ZNF518A: variants seen among roughly 807,000 people sequenced by gnomAD.
ZNF518A encodes zinc finger protein 518A.
ZNF518A carries 47 observed loss-of-function variants against 102.7 expected under a neutral mutation model. The observed-to-expected ratio is 0.46, with a 90% CI of 0.36 to 0.58. The LOEUF (loss-of-function observed/expected upper bound fraction) is 0.58. Among genes scored for constraint, ZNF518A ranks in the 20% least tolerant of loss-of-function variants. The pLI, the probability that ZNF518A is intolerant of heterozygous loss-of-function variation, is 0.00. For missense variants in ZNF518A, 1,793 were observed against 1,699.8 expected, an observed-to-expected ratio of 1.05 and a Z score of -0.96; for synonymous variants, 652 against 594.6, an observed-to-expected ratio of 1.10 and a Z score of -1.40.
intron 1 of ZNF518A, among the ~76,000 whole-genome samples, chr10:96,171,659 A>G (rs967039240): frequency 6.6e-6 from 1 of 152,172 alleles, no homozygotes; most frequent in Non-Finnish European, 1.5e-5. Flanking sequence ...TGTGAATTAT[A>G]TGGTATGCAA....
chr10:96,182,895 T>G (rs1276407327), intron 1 of ZNF518A, among the ~76,000 whole-genome samples: 1 of 152,248 alleles, frequency 6.6e-6, no homozygotes, highest in Non-Finnish European at 1.5e-5. Flanking sequence ...TCAGAAGGAA[T>G]GGTACCACCT....
At chr10:96,136,008 T>G (rs1485533925) in intron 3 of ZNF518A, among the ~76,000 whole-genome samples, 5 of 152,140 alleles carry the variant, frequency 3.3e-5, no homozygotes, top group African/African-American at 1.2e-4. Context: ...GATTATAGGC[T>G]GATCCAGGTT....
At chr10:96,145,643 C>T (rs1482826166) in intron 3 of ZNF518A, among the ~76,000 whole-genome samples, 5 of 152,180 alleles carry the variant, frequency 3.3e-5, no homozygotes, top group African/African-American at 1.2e-4. Flanking sequence ...ATATGGAGAA[C>T]ACAGAATTGA....
chr10:96,138,441 C>T (rs1480980576), intron 3 of ZNF518A, among the ~76,000 whole-genome samples: 1 of 152,162 alleles, frequency 6.6e-6, no homozygotes, highest in Non-Finnish European at 1.5e-5. Flanking sequence ...CACTCAGGGT[C>T]ATGTCACTAA....
rs112605757 is a variant in ZNF518A, at chr10:96,161,442, G to A, written c.*668G>A. The stretch of plus-strand genomic sequence containing the variant: ...TCCCAAGGTGATTTTCTTTTTCTAA[G>A]TGACTGTGTCAAATGTTGCAGTAGA... On this transcript the variant is annotated 3_prime_UTR_variant, in exon 6 of 6. Transcript: ENST00000316045. 16 of 166,908 alleles carry A rather than the reference G, an allele frequency of 9.6e-5. No homozygotes were observed. Among genetic ancestry groups the A allele is most frequent in the African/African-American group, 3.4e-4 (14 of 41,568 alleles). 10.3% of individuals were successfully genotyped at this position (166,908 alleles called of 1,614,324 possible).
In ZNF518A at chr10:96,160,508, CCTA is replaced by C. The variant is rs1564788038; in HGVS notation, c.4187_4189del (p.Pro1396_Lys1397delinsGln). ...ACTGAAACCAGTTTGTTATAACCCT[CCTA>C]AAACAACTTATGATGATTTTTCCAA... On this transcript the variant is annotated inframe_deletion, in exon 6 of 6. Coordinates refer to ENST00000316045, the MANE Select transcript of ZNF518A (RefSeq NM_001330736.2). 1.9e-6 allele frequency: 3 copies of C among 1,612,728 alleles called. No homozygotes were observed. Among genetic ancestry groups the C allele is most frequent in the Non-Finnish European group, 2.5e-6 (3 of 1,179,432 alleles).
chr10:96,155,405 A>G (rs1455889557), intron 4 of ZNF518A, 29 bp downstream of exon 4: 4 of 152,186 alleles, frequency 2.6e-5, no homozygotes, highest in African/African-American at 9.6e-5. Context: ...GCAGGTAGGT[A>G]GTGATGGGTA....
chr10:96,200,037 A>G lies in ZNF518A; in HGVS notation n.36-3537A>G. 1 of 1,305,176 alleles carries G rather than the reference A, an allele frequency of 7.7e-7. No homozygotes were observed. Among genetic ancestry groups the G allele is most frequent in the Non-Finnish European group, 1.0e-6 (1 of 1,002,130 alleles). The allele number at this position is 1,305,176 out of a possible 1,614,324, so 80.8% of individuals were successfully genotyped here. ...ATCTCAAAACAAATAAATAAAATAA[A>G]ATAAAATAAAAATAATAAATAATAA... On this transcript the variant is annotated intron_variant and non_coding_transcript_variant, in intron 1 of 2. Coordinates refer to the ZNF518A transcript ENST00000442635. The surrounding 1 kb of genome is among the most constrained non-coding windows in gnomAD (Gnocchi z 4.3).
At chr10:96,154,189 G>A (rs1394133309) in intron 3 of ZNF518A, among the ~76,000 whole-genome samples, 1 of 152,174 alleles carries the variant, frequency 6.6e-6, no homozygotes, top group East Asian at 1.9e-4. Context: ...AACATTAGTT[G>A]GGTATGGTGG....
chr10:96,159,076 G>T lies in ZNF518A; in HGVS notation c.2754G>T (p.Gln918His). ...TTQNLGSFYM[Q>H]SPLLNSEQKK... is the part of the protein sequence containing the mutation. Reference sequence around the variant, plus strand: ...AAAATTTAGGTTCTTTTTATATGCAGAGTCCACTTTTAAATTCAGAACAAA... The same window carrying T: ...AAAATTTAGGTTCTTTTTATATGCATAGTCCACTTTTAAATTCAGAACAAA... Residue 918 changes from glutamine (Q) to histidine (H), a missense_variant, in exon 6 of 6, where the codon CAG becomes CAT. This residue lies in a region of ZNF518A where 1,741 missense variants were observed against 1,622.6 expected (regional missense o/e 1.07). Transcript: ENST00000316045. 6.2e-7 allele frequency: 1 copy of T among 1,613,200 alleles called. No homozygotes were observed. Among genetic ancestry groups the T allele is most frequent in the Non-Finnish European group, 8.5e-7 (1 of 1,179,664 alleles).
rs2083019874 is a variant in ZNF518A, at chr10:96,162,034, A to G, written c.*1260A>G. The G allele has an allele frequency of 7.8e-5, 13 of 166,966 alleles. No individual in the cohort carries two copies. The allele number at this position is 166,966 out of a possible 1,614,324, so 10.3% of individuals were successfully genotyped here. On this transcript the variant is annotated 3_prime_UTR_variant, in exon 6 of 6. Transcript: ENST00000316045. ...ATCAAATTTTGCTGGTTCTTTGGAT[A>G]ATGGAGTTCTTGTGTTAACAAATTA...
Position 96,143,098 on chromosome 10 carries a change from G to A in ZNF518A, c.-302+9450G>A, listed in dbSNP as rs374635900. 9.2e-5 allele frequency among the ~76,000 whole-genome samples: 14 copies of A among 152,190 alleles called. No individual in the cohort carries two copies. The East Asian group carries it at 2.7e-3, about 29-fold the overall frequency. ...GTTGGGATTACAAGCATGAGCCACC[G>A]CTCCCAGCCGTGATTTCTGACCTAT... On this transcript the variant is annotated intron_variant, in intron 3 of 5. Transcript: ENST00000316045.
chr10:96,168,280 G>T (rs1346015710), downstream of ZNF518A, among the ~76,000 whole-genome samples: 1 of 152,104 alleles, frequency 6.6e-6, no homozygotes, highest in Admixed American at 6.6e-5. Context: ...CTTGGCCAGT[G>T]GGAATGGTGT....
chr10:96,149,017 A>AT (rs1301826332), intron 3 of ZNF518A, among the ~76,000 whole-genome samples: 95 of 150,034 alleles, frequency 6.3e-4, no homozygotes, highest in South Asian at 1.1e-3. Context: ...GCCTGGCCTG[A>AT]TTTTTTTTTT....
At chr10:96,196,275 C>G (rs973500233) in intron 1 of ZNF518A, among the ~76,000 whole-genome samples, 6 of 152,172 alleles carry the variant, frequency 3.9e-5, no homozygotes, top group African/African-American at 1.4e-4. Context: ...CATTTCTAGA[C>G]CATTCATGGG....
intron 3 of ZNF518A, among the ~76,000 whole-genome samples, chr10:96,154,988 TG>T (rs2082630113): frequency 6.6e-6 from 1 of 152,198 alleles, no homozygotes; most frequent in Non-Finnish European, 1.5e-5. Flanking sequence ...ATAGACATTA[TG>T]GATGAGGAGC....
intron 3 of ZNF518A, among the ~76,000 whole-genome samples, chr10:96,154,675 C>G (rs782416379): frequency 3.9e-5 from 6 of 152,092 alleles, no homozygotes; most frequent in Non-Finnish European, 8.8e-5. Context: ...CCTGACAGTT[C>G]CAGTTACTTT....
downstream of ZNF518A, among the ~76,000 whole-genome samples, chr10:96,165,406 C>G (rs587694125): frequency 6.8e-6 from 1 of 147,542 alleles, no homozygotes; most frequent in Non-Finnish European, 1.5e-5. Flanking sequence ...CATGCCCAGC[C>G]AGTAAGACCC....
chr10:96,197,619 A>G (rs1245921561), intron 1 of ZNF518A, among the ~76,000 whole-genome samples: 11 of 152,384 alleles, frequency 7.2e-5, no homozygotes, highest in African/African-American at 2.6e-4. Flanking sequence ...GTATCAAACA[A>G]ATTCCATTCA....
Sources: gnomAD v4.1 joint callset for allele counts (sites outside exome capture counted in the v4.1 genomes callset) on GRCh38, gnomAD v4.1.1 for gene constraint, gnomAD v4.1.1 regional missense constraint, Gnocchi (gnomAD v3.1) non-coding constraint, MANE v1.5 for transcripts, NCBI Gene and HGNC (gene_info 2026-07-23, HGNC 2026-07-21) for gene names.